EDA: variants seen among roughly 807,000 people sequenced by gnomAD.
EDA encodes the protein ectodysplasin-A.
In EDA, 2 loss-of-function variants were observed where a neutral mutation model predicts 23.6. That is an observed-to-expected ratio of 0.08 (90% confidence interval 0.03 to 0.27). EDA has a LOEUF of 0.27. EDA is among the 10% of genes least tolerant of loss of function. EDA has a pLI of 1.00. For missense variants in EDA, 229 were observed against 324.2 expected (o/e 0.71, Z 2.26); for synonymous variants, 131 against 132.0 (o/e 0.99, Z 0.05).
At chrX:69,795,839 G>C (rs2015528283) in intron 1 of EDA, among the ~76,000 whole-genome samples, 1 of 111,940 alleles carries the variant, frequency 8.9e-6, no homozygotes, top group African/African-American at 3.3e-5. Context: ...CACTATCAGG[G>C]GCTTGAGGAC....
chrX:69,644,566 A>G (rs1000847740), intron 1 of EDA, among the ~76,000 whole-genome samples: 4 of 111,339 alleles, frequency 3.6e-5, no homozygotes, highest in African/African-American at 1.3e-4. Context: ...GCAAACAAAG[A>G]TAATTTGACT....
intron 1 of EDA, among the ~76,000 whole-genome samples, chrX:69,841,934 G>A (rs938701686): frequency 8.9e-6 from 1 of 111,859 alleles, no homozygotes; most frequent in Non-Finnish European, 1.9e-5. Context: ...TTTCCACAGG[G>A]TTATTTCAGT....
intron 1 of EDA, among the ~76,000 whole-genome samples, chrX:69,819,524 A>G (rs1651730558): frequency 8.9e-6 from 1 of 112,336 alleles, no homozygotes; most frequent in African/African-American, 3.2e-5. Flanking sequence ...CAACTTCAAT[A>G]ATGTCTCTGG....
intron 1 of EDA, among the ~76,000 whole-genome samples, chrX:69,789,734 A>T (rs979776697): frequency 1.8e-5 from 2 of 111,678 alleles, no homozygotes; most frequent in Non-Finnish European, 3.8e-5. Flanking sequence ...CATTTTCTAT[A>T]TTCATTCTCT....
At chrX:69,874,907 A>G (rs1379465282) in intron 1 of EDA, among the ~76,000 whole-genome samples, 4 of 112,136 alleles carry the variant, frequency 3.6e-5, no homozygotes, top group African/African-American at 6.5e-5. Flanking sequence ...AAAATAAAAT[A>G]CTTAGGAATA....
intron 1 of EDA, among the ~76,000 whole-genome samples, chrX:69,624,789 C>CCTCTCTCTCT (rs751401580): frequency 3.2e-4 from 31 of 95,775 alleles, no homozygotes; most frequent in African/African-American, 1.1e-3. Flanking sequence ...GTCAGAAGCT[C>CCTCTCTCTCT]CTCTCTCTCT....
intron 1 of EDA, among the ~76,000 whole-genome samples, chrX:69,897,900 T>C (rs1263341711): frequency 8.9e-6 from 1 of 111,927 alleles, no homozygotes; most frequent in Non-Finnish European, 1.9e-5. Context: ...CAAAAGACTA[T>C]TAAAATATGT....
chrX:69,928,235 G>A (rs2018550117), intron 1 of EDA, among the ~76,000 whole-genome samples: 1 of 111,371 alleles, frequency 9.0e-6, no homozygotes, highest in African/African-American at 3.3e-5. Context: ...GGTGGTCTCA[G>A]CACTGCCCAT....
intron 1 of EDA, among the ~76,000 whole-genome samples, chrX:69,664,801 A>G (rs1005066810): frequency 9.0e-6 from 1 of 111,577 alleles, no homozygotes; most frequent in Non-Finnish European, 1.9e-5. Flanking sequence ...AGATATCTTT[A>G]TGAGGTGGTG....
intron 2 of EDA, among the ~76,000 whole-genome samples, chrX:69,993,683 T>C (rs917883309): frequency 2.7e-5 from 3 of 111,945 alleles, no homozygotes; most frequent in Middle Eastern, 4.2e-3. Flanking sequence ...GTAGAATATG[T>C]GTTACAATGC....
At chrX:69,954,186 C>T (rs2018967176) in intron 1 of EDA, among the ~76,000 whole-genome samples, 2 of 111,243 alleles carry the variant, frequency 1.8e-5, no homozygotes, top group African/African-American at 6.5e-5. Context: ...CTCACCATTC[C>T]CTCTCACCTC....
At chrX:69,769,752 G>T (rs192147212) in intron 1 of EDA, among the ~76,000 whole-genome samples, 47 of 111,044 alleles carry the variant, frequency 4.2e-4, no homozygotes, top group African/African-American at 1.5e-3. Context: ...ATTATTTCTG[G>T]TGTTCTTCAT....
chrX:69,889,730 A>C (rs917602527), intron 1 of EDA, among the ~76,000 whole-genome samples: 3 of 111,839 alleles, frequency 2.7e-5, no homozygotes, highest in South Asian at 3.7e-4. Context: ...CTCATTCTGT[A>C]GGTTTTTGTT....
chrX:69,638,811 G>T (rs1291108655), intron 1 of EDA, among the ~76,000 whole-genome samples: 1 of 111,315 alleles, frequency 9.0e-6, no homozygotes, highest in Non-Finnish European at 1.9e-5. Flanking sequence ...TCATTTTTAG[G>T]TGTACCGTTC....
intron 1 of EDA, among the ~76,000 whole-genome samples, chrX:69,882,753 A>C (rs1380315353): frequency 2.7e-5 from 3 of 110,283 alleles, no homozygotes; most frequent in African/African-American, 9.9e-5. Context: ...CACAGGCTGG[A>C]GTGCAATGGC....
intron 1 of EDA, among the ~76,000 whole-genome samples, chrX:69,696,297 T>TA (rs934653985): frequency 9.0e-6 from 1 of 110,892 alleles, no homozygotes; most frequent in African/African-American, 3.3e-5. Context: ...CAACACAAGG[T>TA]AAAAAATTGT....
intron 1 of EDA, among the ~76,000 whole-genome samples, chrX:69,773,013 A>G (rs1291107126): frequency 3.6e-5 from 4 of 111,678 alleles, no homozygotes; most frequent in Non-Finnish European, 7.5e-5. Context: ...AAAACCCTCT[A>G]TCCATTAAGC....
chrX:69,884,213 C>T (rs1380243016), intron 1 of EDA, among the ~76,000 whole-genome samples: 1 of 112,062 alleles, frequency 8.9e-6, no homozygotes, highest in Non-Finnish European at 1.9e-5. Flanking sequence ...AGGAAACTCA[C>T]TTCAGTATTT....
chrX:69,783,460 C>A (rs1318111827), intron 1 of EDA, among the ~76,000 whole-genome samples: 1 of 99,863 alleles, frequency 1.0e-5, no homozygotes, highest in Admixed American at 1.1e-4. Context: ...ACAACAGTCC[C>A]CAGAGTATGA....
Sources: gnomAD v4.1 joint callset for allele counts (sites outside exome capture counted in the v4.1 genomes callset) on GRCh38, gnomAD v4.1.1 for gene constraint, MANE v1.5 for transcripts, NCBI Gene and HGNC (gene_info 2026-07-23, HGNC 2026-07-21) for gene names.